MND1: variants seen among roughly 807,000 people sequenced by gnomAD.
The protein encoded by MND1 is meiotic nuclear divisions 1.
In MND1, 28 loss-of-function variants were observed where a neutral mutation model predicts 35.1. The ratio of observed to expected loss-of-function variants is 0.80; its 90% CI spans 0.59 to 1.09. MND1 has a LOEUF of 1.09. MND1 is among the 50% of genes least tolerant of loss of function. MND1 has a pLI of 0.00. For missense variants in MND1, 213 were observed against 239.6 expected, an observed-to-expected ratio of 0.89 and a Z score of 0.73; for synonymous variants, 69 against 70.5, an observed-to-expected ratio of 0.98 and a Z score of 0.11.
At chr4:153,363,805 C>G (rs1029491796) in intron 4 of MND1, among the ~76,000 whole-genome samples, 1 of 152,112 alleles carries the variant, frequency 6.6e-6, no homozygotes. Context: ...TTTCTGAAGA[C>G]AGTATGAAGA....
At chr4:153,381,276 C>T (rs937795884) in intron 4 of MND1, among the ~76,000 whole-genome samples, 3 of 151,896 alleles carry the variant, frequency 2.0e-5, no homozygotes, top group Non-Finnish European at 2.9e-5. Flanking sequence ...AACCTTCCTC[C>T]AGCAATGATT....
chr4:153,402,250 A>G (rs538053151), intron 6 of MND1, among the ~76,000 whole-genome samples: 1 of 152,378 alleles, frequency 6.6e-6, no homozygotes, highest in East Asian at 1.9e-4. Flanking sequence ...TCTGACCATT[A>G]TTCAAATGTG....
intron 4 of MND1, among the ~76,000 whole-genome samples, chr4:153,361,041 G>A (rs1273810545): frequency 6.6e-6 from 1 of 152,282 alleles, no homozygotes; most frequent in Non-Finnish European, 1.5e-5. Context: ...GTATTGCCAT[G>A]TTGCCCAGGC....
chr4:153,366,462 A>G (rs964573446), intron 4 of MND1, among the ~76,000 whole-genome samples: 1 of 152,254 alleles, frequency 6.6e-6, no homozygotes, highest in African/African-American at 2.4e-5. Context: ...AGCTTTGACC[A>G]TGTTAAGTTT....
intron 4 of MND1, among the ~76,000 whole-genome samples, chr4:153,383,484 TAAC>T (rs985184250): frequency 3.9e-5 from 6 of 152,250 alleles, no homozygotes; most frequent in Middle Eastern, 3.2e-3. Flanking sequence ...TGAGGCATTT[TAAC>T]AACAATACTT....
intron 5 of MND1, among the ~76,000 whole-genome samples, chr4:153,396,293 T>G (rs912888605): frequency 2.0e-5 from 3 of 152,218 alleles, no homozygotes; most frequent in African/African-American, 7.2e-5. Flanking sequence ...CTGCTGAGAT[T>G]CTGCTGGGCC....
Position 153,377,221 on chromosome 4 carries a change from G to A in MND1, c.277-17041G>A, listed in dbSNP as rs377332492. On this transcript the variant is annotated intron_variant, in intron 4 of 7. Transcript: ENST00000240488. ...TACATTTTGAAATCCATACTAAGCT[G>A]AATTTTAGATATTGTGTATTGGTTT... Among the ~76,000 whole-genome samples the A allele has an allele frequency of 3.9e-3, 589 of 152,262 alleles. 6 individuals are homozygous for A. The highest frequency in any genetic ancestry group is 0.014 in the African/African-American group (565 of 41,552).
At chr4:153,344,797 C>A in intron 1 of MND1, 57 bp downstream of exon 1, 1 of 1,584,288 alleles carries the variant, frequency 6.3e-7, no homozygotes, top group Admixed American at 1.7e-5. Flanking sequence ...TGGGCTTCGC[C>A]GCCCCTCGGC....
At chr4:153,361,946 G>A (rs190824218) in intron 4 of MND1, among the ~76,000 whole-genome samples, 1 of 151,852 alleles carries the variant, frequency 6.6e-6, no homozygotes, top group African/African-American at 2.4e-5. Flanking sequence ...TCATTCTATC[G>A]TCTATGTTGT....
At position 153,411,084 on chromosome 4, in the gene MND1, A is replaced by G. The variant is rs148893236; in HGVS notation, c.511+2069A>G. 2.5e-4 allele frequency among the ~76,000 whole-genome samples: 38 copies of G among 152,384 alleles called. No homozygotes were observed. The East Asian group carries it at 7.3e-3, about 29-fold the overall frequency. ...CAGTTCTATAGGATGAGATTACCTC[A>G]GAGTCTAAGTATAGAAATGCCACAT... On this transcript the variant is annotated intron_variant, in intron 7 of 7. Coordinates refer to ENST00000240488, the MANE Select transcript of MND1 (RefSeq NM_032117.4).
chr4:153,362,145 G>T (rs1314711217), intron 4 of MND1, among the ~76,000 whole-genome samples: 6 of 151,980 alleles, frequency 3.9e-5, no homozygotes. Flanking sequence ...TTTCAGTTCT[G>T]CCTATCCTGT....
chr4:153,383,968 A>C (rs1214108440), intron 4 of MND1, among the ~76,000 whole-genome samples: 2 of 152,316 alleles, frequency 1.3e-5, no homozygotes, highest in African/African-American at 4.8e-5. Context: ...TCTCAGGTCT[A>C]AACAGTCTGT....
intron 2 of MND1, among the ~76,000 whole-genome samples, chr4:153,351,318 T>C (rs1350161387): frequency 6.6e-5 from 10 of 152,170 alleles, no homozygotes; most frequent in Admixed American, 6.5e-4. Flanking sequence ...CATGAAAGAC[T>C]CTGAGGATCA....
chr4:153,392,797 G>A (rs1046740996), intron 4 of MND1, among the ~76,000 whole-genome samples: 10 of 152,170 alleles, frequency 6.6e-5, no homozygotes, highest in African/African-American at 2.4e-4. Flanking sequence ...TCTAAGCTGA[G>A]TAAAAAGTTT....
intron 2 of MND1, among the ~76,000 whole-genome samples, chr4:153,352,246 T>G (rs1465656187): frequency 6.6e-6 from 1 of 152,106 alleles, no homozygotes; most frequent in Non-Finnish European, 1.5e-5. Flanking sequence ...TATAAATATG[T>G]AAATGGAGAA....
chr4:153,363,031 CTCCTTGT>C (rs1773533566), intron 4 of MND1: 1 of 984,862 alleles, frequency 1.0e-6, no homozygotes, highest in African/African-American at 1.7e-5. Flanking sequence ...TGGAGGTAAG[CTCCTTGT>C]TATTTTCCAT....
At chr4:153,406,928 T>C (rs1253216459) in intron 6 of MND1, among the ~76,000 whole-genome samples, 1 of 152,220 alleles carries the variant, frequency 6.6e-6, no homozygotes, top group Non-Finnish European at 1.5e-5. Context: ...TCTCACATGG[T>C]GGCAGACGAG....
chr4:153,397,850 A>T (rs1729241573), intron 6 of MND1, among the ~76,000 whole-genome samples: 1 of 152,226 alleles, frequency 6.6e-6, no homozygotes, highest in Non-Finnish European at 1.5e-5. Flanking sequence ...ATGTTAGAGC[A>T]TTGAACAGCG....
chr4:153,384,338 A>G (rs1728791087), intron 4 of MND1, among the ~76,000 whole-genome samples: 3 of 130,390 alleles, frequency 2.3e-5, no homozygotes, highest in African/African-American at 9.0e-5. Flanking sequence ...TGGTGCAATC[A>G]TGGCTCACTG....
Sources: allele counts gnomAD v4.1 joint callset (sites outside exome capture counted in the v4.1 genomes callset), GRCh38; gene constraint gnomAD v4.1.1; transcripts MANE v1.5; gene names NCBI Gene and HGNC (gene_info 2026-07-23, HGNC 2026-07-21).